The following SLC9A7 variants were observed in gnomAD, a reference collection of about 807,000 sequenced individuals.
SLC9A7 encodes the protein sodium/hydrogen exchanger 7.
A neutral mutation model predicts 52.6 loss-of-function variants in SLC9A7; 19 were observed. That is an observed-to-expected ratio of 0.36 (90% confidence interval 0.25 to 0.53). The LOEUF is 0.53. Ranked by LOEUF, SLC9A7 falls within the 20% of genes least tolerant of loss-of-function variation. The pLI is 0.91. For missense variants in SLC9A7, 455 were observed against 597.9 expected (o/e 0.76, Z 2.49); for synonymous variants, 226 against 252.1 (o/e 0.90, Z 0.98).
intron 1 of SLC9A7, among the ~76,000 whole-genome samples, chrX:46,723,786 A>G (rs1944900345): frequency 8.9e-6 from 1 of 112,277 alleles, no homozygotes; most frequent in African/African-American, 3.2e-5. Context: ...GTTCTGACTC[A>G]GTCATAACAA....
At position 46,606,860 on chromosome X, in the gene SLC9A7, A is replaced by G; in HGVS notation, c.*92T>C. 4.2e-6 allele frequency: 5 copies of G among 1,182,062 alleles called. No individual in the cohort carries two copies. The highest frequency in any genetic ancestry group is 5.7e-6 in the Non-Finnish European group (5 of 878,911). The stretch of plus-strand genomic sequence containing the variant: ...TAAAATAGAAGAGTTAGTTCAATCT[A>G]GTCACTGCCCCACCTCCAACAACAC... On this transcript the variant is annotated 3_prime_UTR_variant, in exon 17 of 17. Coordinates refer to ENST00000616978, the MANE Select transcript of SLC9A7 (RefSeq NM_001257291.2).
At chrX:46,643,194 G>A (rs769040212) in intron 12 of SLC9A7, 42 bp downstream of exon 12, 1 of 1,159,698 alleles carries the variant, frequency 8.6e-7, no homozygotes, top group Admixed American at 2.2e-5. Context: ...CTCAGGAACG[G>A]TGACAACTGA....
intron 1 of SLC9A7, among the ~76,000 whole-genome samples, chrX:46,738,026 CAAAAAAAA>C (rs1350518254): frequency 0.012 from 872 of 71,010 alleles, 20 homozygotes; most frequent in African/African-American, 0.048. Context: ...GACCCTGTCT[CAAAAAAAA>C]GAAAGAAAGA....
intron 7 of SLC9A7, among the ~76,000 whole-genome samples, chrX:46,654,869 T>A (rs975224453): frequency 9.0e-6 from 1 of 111,169 alleles, no homozygotes; most frequent in African/African-American, 3.3e-5. Flanking sequence ...GCAATTTAAA[T>A]CTGCGCTATC....
At chrX:46,673,670 A>G (rs1944062890) in intron 3 of SLC9A7, among the ~76,000 whole-genome samples, 1 of 112,163 alleles carries the variant, frequency 8.9e-6, no homozygotes, top group East Asian at 2.8e-4. Flanking sequence ...ATCAGAAAAA[A>G]ACAGGGTGCA....
At chrX:46,636,276 A>G (rs1466569997) in intron 12 of SLC9A7, among the ~76,000 whole-genome samples, 1 of 111,322 alleles carries the variant, frequency 9.0e-6, no homozygotes, top group African/African-American at 3.3e-5. Flanking sequence ...TTTCTGGGTT[A>G]CTTAGAGTGC....
chrX:46,731,905 C>T (rs1432901706), intron 1 of SLC9A7, among the ~76,000 whole-genome samples: 1 of 111,732 alleles, frequency 8.9e-6, no homozygotes, highest in Non-Finnish European at 1.9e-5. Context: ...TTCATCATTA[C>T]TTATAAGAGA....
chrX:46,633,454 C>T (rs1943264483), intron 13 of SLC9A7, among the ~76,000 whole-genome samples: 1 of 87,670 alleles, frequency 1.1e-5, no homozygotes, highest in Admixed American at 1.5e-4. Flanking sequence ...TACTTTAGGG[C>T]GATTTAGTAA....
chrX:46,605,356 T>C lies in SLC9A7; in HGVS notation c.*1596A>G, dbSNP rs1942728040. 1 of 110,952 alleles carries C rather than the reference T, an allele frequency of 9.0e-6. No homozygotes were observed. The highest frequency in any genetic ancestry group is 3.3e-5 in the African/African-American group (1 of 30,448). 9.1% of individuals were successfully genotyped at this position (110,952 alleles called of 1,213,427 possible). On this transcript the variant is annotated 3_prime_UTR_variant, in exon 17 of 17. Transcript: ENST00000616978. ...TCTTTCTGTATTTCAGCACTACAGG[T>C]GTGGGCAGACAGAACAGCTCATCCA...
At chrX:46,611,745 G>A (rs1389636588) in intron 16 of SLC9A7, among the ~76,000 whole-genome samples, 3 of 112,104 alleles carry the variant, frequency 2.7e-5, no homozygotes, top group African/African-American at 6.5e-5. Flanking sequence ...CTGCAGCAGC[G>A]GGTTTAGGAC....
At chrX:46,660,542 C>T (rs1229039940) in intron 7 of SLC9A7, among the ~76,000 whole-genome samples, 1 of 110,546 alleles carries the variant, frequency 9.0e-6, no homozygotes, top group African/African-American at 3.3e-5. Context: ...CAAACAACCC[C>T]ATCAAAAAGT....
rs1300268373 is a variant in SLC9A7, at chrX:46,704,583, G to A, written c.326-22048C>T. Among the ~76,000 whole-genome samples, 3 of 112,198 alleles carry A rather than the reference G, an allele frequency of 2.7e-5. No individual in the cohort carries two copies. The East Asian group carries it at 8.3e-4, about 31-fold the overall frequency. On this transcript the variant is annotated intron_variant, in intron 1 of 16. Transcript: ENST00000616978. Reference sequence around the variant, plus strand: ...GTGATATCCTTTATGCATTTACAAAGACAGAATAAAATCTAATTATATACT... The same window carrying A: ...GTGATATCCTTTATGCATTTACAAAAACAGAATAAAATCTAATTATATACT...
At chrX:46,667,989 T>G (rs911423697) in intron 5 of SLC9A7, among the ~76,000 whole-genome samples, 8 of 111,992 alleles carry the variant, frequency 7.1e-5, no homozygotes, top group African/African-American at 1.9e-4. Flanking sequence ...GATTGATGAA[T>G]AGAAAACCAT....
rs2058742796 is a variant in SLC9A7 at position 46,643,388 on chromosome X, G to T, written c.1464C>A (p.Gly488=). 2.5e-6 allele frequency: 3 copies of T among 1,202,022 alleles called. No homozygotes were observed. The Admixed American group carries it at 6.6e-5, about 26-fold the overall frequency. ...ACGCAAATGCCATTGCTCCCCTGAGGCCTGCGGGGACCAAAGAAGAAGATC... is the reference window on the plus strand; with the variant it reads ...ACGCAAATGCCATTGCTCCCCTGAGTCCTGCGGGGACCAAAGAAGAAGATC... ...WNFQHMMMFS[G]LRGAMAFALA... The change falls in exon 12 of 17, where the codon GGC becomes GGA. Residue 488 remains glycine, a splice_region_variant and synonymous_variant. Transcript: ENST00000616978.
In SLC9A7 at chrX:46,604,435, T is replaced by A; in HGVS notation, c.*2517A>T. Reference sequence around the variant, plus strand: ...GGAGAATAAAAATCATTCAACTGTATTTTTTTTTTTTTTTTGAGGCAGGGT... The same window carrying A: ...GGAGAATAAAAATCATTCAACTGTAATTTTTTTTTTTTTTTGAGGCAGGGT... On this transcript the variant is annotated 3_prime_UTR_variant, in exon 17 of 17. Coordinates refer to ENST00000616978, the MANE Select transcript of SLC9A7 (RefSeq NM_001257291.2). The A allele has an allele frequency of 1.2e-5, 1 of 80,627 alleles. No individual in the cohort carries two copies. The highest frequency in any genetic ancestry group is 2.2e-5 in the Non-Finnish European group (1 of 44,640). 6.6% of individuals were successfully genotyped at this position (80,627 alleles called of 1,213,427 possible).
intron 1 of SLC9A7, among the ~76,000 whole-genome samples, chrX:46,711,775 T>TC (rs1246830662): frequency 9.2e-6 from 1 of 108,407 alleles, no homozygotes; most frequent in Non-Finnish European, 1.9e-5. Context: ...TCACTACCCC[T>TC]CCCTAATCTT....
chrX:46,613,508 C>A lies in SLC9A7; in HGVS notation c.1824-114G>T, dbSNP rs60959043. The A allele has an allele frequency of 8.7e-6, 4 of 459,371 alleles. No individual in the cohort carries two copies. In the African/African-American group the frequency reaches 9.6e-5, roughly 11 times the overall value. 37.9% of individuals were successfully genotyped at this position (459,371 alleles called of 1,213,427 possible). A position where few individuals can be genotyped will look rare whatever the true frequency, so the allele number is the denominator to read the frequency against. ...CAAAAACCTTCTTTTCCCCATTTTA[C>A]TCGTACAACACACGAAATACTTGTA... is the stretch of plus-strand genomic sequence containing the variant. On this transcript the variant is annotated intron_variant, in intron 15 of 16. Coordinates refer to ENST00000616978, the MANE Select transcript of SLC9A7 (RefSeq NM_001257291.2).
chrX:46,703,915 C>T (rs1944567830), intron 1 of SLC9A7, among the ~76,000 whole-genome samples: 1 of 112,048 alleles, frequency 8.9e-6, no homozygotes, highest in South Asian at 3.7e-4. Context: ...AAGGAGAGGA[C>T]TTGTGTGGCT....
rs1455204569 is a variant in SLC9A7, at chrX:46,692,455, T to C, written c.326-9920A>G. ...GTTTCCTACATACCTAAGGCATGTCTACAGTTGCCCCACACTCATTTTATC... is the reference window on the plus strand; with the variant it reads ...GTTTCCTACATACCTAAGGCATGTCCACAGTTGCCCCACACTCATTTTATC... On this transcript the variant is annotated intron_variant, in intron 1 of 16. Coordinates refer to ENST00000616978, the MANE Select transcript of SLC9A7 (RefSeq NM_001257291.2). Among the ~76,000 whole-genome samples the C allele has an allele frequency of 2.7e-5, 3 of 111,434 alleles. No individual in the cohort carries two copies. In the East Asian group the frequency reaches 8.5e-4, roughly 31 times the overall value.
Sources: allele counts gnomAD v4.1 joint callset (sites outside exome capture counted in the v4.1 genomes callset), GRCh38; gene constraint gnomAD v4.1.1; transcripts MANE v1.5; gene names NCBI Gene and HGNC (gene_info 2026-07-23, HGNC 2026-07-21).